PKD1L3: variants seen among roughly 807,000 people sequenced by gnomAD.
PKD1L3 encodes polycystin-1-like protein 3.
PKD1L3 carries 239 observed loss-of-function variants against 184.1 expected under a neutral mutation model. The ratio of observed to expected loss-of-function variants is 1.30; its 90% CI spans 1.17 to 1.45. The LOEUF is 1.45. Ranked by LOEUF, PKD1L3 falls within the 40% of genes most tolerant of loss-of-function variation. PKD1L3 has a pLI of 0.00. For synonymous variants in PKD1L3, 996 were observed against 778.8 expected (o/e 1.28, Z -4.64); for missense variants, 2,660 against 2,067.2 (o/e 1.29, Z -5.56).
At chr16:71,931,010 ATC>A (rs1484137083) in intron 28 of PKD1L3, 2 of 152,216 alleles carry the variant, frequency 1.3e-5, no homozygotes, top group Non-Finnish European at 2.9e-5. Context: ...AATGTGGGCA[ATC>A]TCTGAGTTTG....
intron 2 of PKD1L3, among the ~76,000 whole-genome samples, chr16:71,996,922 G>A (rs935100385): frequency 1.3e-5 from 2 of 151,232 alleles, no homozygotes; most frequent in Non-Finnish European, 2.9e-5. Context: ...TTGGTGGTCC[G>A]AGCCTTGGAC....
Position 71,969,993 on chromosome 16 carries a change from T to A in PKD1L3, c.2066A>T (p.Lys689Ile). The change falls in exon 13 of 30, where the codon AAA becomes ATA. Residue 689 changes from lysine to isoleucine, a missense_variant. By Grantham distance (102) the Lys-to-Ile change is moderately radical. Transcript: ENST00000620267. Reference protein sequence around the residue: ...PRTVNVEDTIKLFLRVTNNPV... With the variant: ...PRTVNVEDTIILFLRVTNNPV... ...ATTGTTGGTCACGCGAAGGAACAGT[T>A]TGATCGTGTCTTCAACATTCACGGT... 2 of 1,551,776 alleles carry A rather than the reference T, an allele frequency of 1.3e-6. No individual in the cohort carries two copies. Among genetic ancestry groups the A allele is most frequent in the South Asian group, 1.2e-5 (1 of 84,068 alleles).
At chr16:71,937,528 C>T in intron 24 of PKD1L3, 109 bp from the exon 25 acceptor site, 1 of 1,262,086 alleles carries the variant, frequency 7.9e-7, no homozygotes, top group Non-Finnish European at 1.1e-6. Flanking sequence ...TCAAATGTTT[C>T]TGAGTCTCAG....
At chr16:71,971,644 C>T (rs1169292246) in intron 12 of PKD1L3, among the ~76,000 whole-genome samples, 1 of 152,206 alleles carries the variant, frequency 6.6e-6, no homozygotes, top group African/African-American at 2.4e-5. Flanking sequence ...GTTTCCCTAA[C>T]AAGCAGCACT....
chr16:71,950,282 G>C lies in PKD1L3; in HGVS notation c.3219C>G (p.Cys1073Trp), dbSNP rs1474469340. The C allele has an allele frequency of 7.8e-6, 12 of 1,533,458 alleles. No individual in the cohort carries two copies. The highest frequency in any genetic ancestry group is 1.1e-5 in the Non-Finnish European group (12 of 1,136,544). The allele number at this position is 1,533,458 out of a possible 1,614,324, so 95.0% of individuals were successfully genotyped here. ...RVVPENHHHF[C>W]CYLHRVLQRL... ...TCTGCAGAACTCTATGCAGGTAACA[G>C]CAGAAATGATGGTGGTTTTCAGGAA... The change falls in exon 20 of 30, where the codon TGC (cysteine) becomes TGG (tryptophan). Residue 1073 changes from cysteine to tryptophan, a missense_variant. Transcript: ENST00000620267.
Position 71,951,624 on chromosome 16 carries a change from C to T in PKD1L3, c.3130G>A (p.Val1044Ile), listed in dbSNP as rs934340611. The T allele has an allele frequency of 1.4e-5, 22 of 1,551,698 alleles. No homozygotes were observed. The Admixed American group carries it at 2.2e-4, about 15-fold the overall frequency. ...TKLVKLLSSLVSSHLEGQGCH... is the reference protein window; with the variant it reads ...TKLVKLLSSLISSHLEGQGCH... ...CCTTGACCCTCCAAGTGAGATGATACGAGGCTGGATAAAAGTTTCACCAGC... is the reference window on the plus strand; with the variant it reads ...CCTTGACCCTCCAAGTGAGATGATATGAGGCTGGATAAAAGTTTCACCAGC... The change falls in exon 19 of 30, where the codon GTA becomes ATA. Residue 1044 changes from valine (V) to isoleucine (I), a missense_variant. By Grantham distance (29) the Val-to-Ile change is conservative (BLOSUM62 3). Transcript: ENST00000620267.
At chr16:71,996,382 T>C (rs900938186) in intron 2 of PKD1L3, among the ~76,000 whole-genome samples, 2 of 150,170 alleles carry the variant, frequency 1.3e-5, no homozygotes, top group African/African-American at 4.9e-5. Context: ...TGCCTCAGCC[T>C]CCTGAGTACC....
chr16:72,000,120 T>G lies in PKD1L3; in HGVS notation c.-142A>C, dbSNP rs2040917828. On this transcript the variant is annotated 5_prime_UTR_variant, in exon 1 of 30. Coordinates refer to ENST00000620267, the MANE Select transcript of PKD1L3 (RefSeq NM_181536.2). Reference sequence around the variant, plus strand: ...TTACCAAGGATACAAAAGGTTTTGTTTTGAGGACCCAGGTGCAGGTCCTAC... The same window carrying G: ...TTACCAAGGATACAAAAGGTTTTGTGTTGAGGACCCAGGTGCAGGTCCTAC... 1 of 701,688 alleles carries G rather than the reference T, an allele frequency of 1.4e-6. No individual in the cohort carries two copies. The highest frequency in any genetic ancestry group is 2.0e-5 in the African/African-American group (1 of 51,078). The allele number at this position is 701,688 out of a possible 1,614,324, so 43.5% of individuals were successfully genotyped here.
At chr16:71,998,024 C>T (rs2040853795) in intron 2 of PKD1L3, among the ~76,000 whole-genome samples, 1 of 152,174 alleles carries the variant, frequency 6.6e-6, no homozygotes. Context: ...TTCTCCCACA[C>T]TCTGCCCAAG....
rs1014623666 is a variant in PKD1L3 at position 71,954,149 on chromosome 16, A to G, written c.2765T>C (p.Met922Thr). Residue 922 changes from methionine (M) to threonine (T), a missense_variant, in exon 17 of 30, where the codon ATG (methionine) becomes ACG (threonine). Coordinates refer to ENST00000620267, the MANE Select transcript of PKD1L3 (RefSeq NM_181536.2). ...AGTGGTGCTGTTTATCTTCCAGAACATAACATTGATGACCATGTTGCAGAG... is the reference window on the plus strand; with the variant it reads ...AGTGGTGCTGTTTATCTTCCAGAACGTAACATTGATGACCATGTTGCAGAG... ...LLLCNMVINV[M>T]FWKINSTTAK... 7 of 1,550,664 alleles carry G rather than the reference A, an allele frequency of 4.5e-6. No homozygotes were observed. The Admixed American group carries it at 5.9e-5, about 13-fold the overall frequency.
intron 4 of PKD1L3, among the ~76,000 whole-genome samples, chr16:71,989,679 T>G (rs538016392): frequency 1.3e-5 from 2 of 152,360 alleles, no homozygotes; most frequent in East Asian, 3.9e-4. Context: ...ATTGTATTTT[T>G]GTAAGATGCC....
chr16:71,999,752 T>G lies in PKD1L3; in HGVS notation c.227A>C (p.Glu76Ala). 6.4e-7 allele frequency: 1 copy of G among 1,551,772 alleles called. No individual in the cohort carries two copies. The highest frequency in any genetic ancestry group is 8.7e-7 in the Non-Finnish European group (1 of 1,146,954). ...TTGCCCAATCCACCACTTCTTTCCT[T>G]CTTCCAGATAGTCCCGGATGAGATC... ...VQDLIRDYLEEGKKWWIGQNV... is the reference protein window; with the variant it reads ...VQDLIRDYLEAGKKWWIGQNV... The change falls in exon 1 of 30, where the codon GAA becomes GCA. Residue 76 changes from glutamate to alanine, a missense_variant. By Grantham distance (107) the Glu-to-Ala change is moderately radical. Coordinates refer to ENST00000620267, the MANE Select transcript of PKD1L3 (RefSeq NM_181536.2).
rs1445382856 is a variant in PKD1L3 at position 71,954,186 on chromosome 16, T to G, written c.2728A>C (p.Met910Leu). 1.3e-6 allele frequency: 2 copies of G among 1,551,866 alleles called. No homozygotes were observed. Among genetic ancestry groups the G allele is most frequent in the Admixed American group, 3.9e-5 (2 of 50,916 alleles). Reference protein sequence around the residue: ...FTRVQRLSCCMTLLLCNMVIN... With the variant: ...FTRVQRLSCCLTLLLCNMVIN... ...ACCATGTTGCAGAGTAGCAGTGTCATGCAGCAAGACAGCCGTTGGACCCTT... is the reference window on the plus strand; with the variant it reads ...ACCATGTTGCAGAGTAGCAGTGTCAGGCAGCAAGACAGCCGTTGGACCCTT... The change falls in exon 17 of 30, where the codon ATG (methionine) becomes CTG (leucine). Residue 910 changes from methionine (M) to leucine (L), a missense_variant. Met to Leu is a conservative substitution (Grantham distance 15, BLOSUM62 2). Coordinates refer to ENST00000620267, the MANE Select transcript of PKD1L3 (RefSeq NM_181536.2).
chr16:71,971,591 T>TGCAATCAACTG (rs1304041065), intron 12 of PKD1L3, among the ~76,000 whole-genome samples: 1 of 152,234 alleles, frequency 6.6e-6, no homozygotes, highest in East Asian at 1.9e-4. Flanking sequence ...TGGTCTGTGC[T>TGCAATCAACTG]GTGAGAGGAG....
At chr16:71,987,433 G>C (rs1373896947) in intron 4 of PKD1L3, among the ~76,000 whole-genome samples, 1 of 151,970 alleles carries the variant, frequency 6.6e-6, no homozygotes, top group Non-Finnish European at 1.5e-5. Flanking sequence ...GAGTGCAGTG[G>C]CGCCACCTCA....
At chr16:71,977,560 CTTTTTT>C in intron 10 of PKD1L3, 93 bp from the exon 11 acceptor site, 24 of 543,502 alleles carry the variant, frequency 4.4e-5, no homozygotes, top group Non-Finnish European at 5.1e-5. Context: ...CGTCCTAGCT[CTTTTTT>C]TTTTTTTTTT....
intron 11 of PKD1L3, among the ~76,000 whole-genome samples, chr16:71,973,985 G>A (rs1444125652): frequency 7.4e-6 from 1 of 135,760 alleles, no homozygotes; most frequent in Non-Finnish European, 1.5e-5. Flanking sequence ...CTGGGCAACA[G>A]AGTGAGATTT....
At chr16:71,960,188 A>T (rs2143496528) in intron 16 of PKD1L3, among the ~76,000 whole-genome samples, 1 of 151,762 alleles carries the variant, frequency 6.6e-6, no homozygotes, top group South Asian at 2.1e-4. Flanking sequence ...AACCAAAAAA[A>T]ACTACAAAAC....
intron 3 of PKD1L3, among the ~76,000 whole-genome samples, chr16:71,992,130 C>A (rs2040611898): frequency 6.6e-6 from 1 of 152,220 alleles, no homozygotes; most frequent in Middle Eastern, 3.4e-3. Flanking sequence ...CCAAGCCACA[C>A]CTAGGATTAC....
Sources: gnomAD v4.1 joint callset for allele counts (sites outside exome capture counted in the v4.1 genomes callset) on GRCh38, gnomAD v4.1.1 for gene constraint, MANE v1.5 for transcripts, NCBI Gene and HGNC (gene_info 2026-07-23, HGNC 2026-07-21) for gene names.